The following THSD7B variants were observed in gnomAD, a reference collection of about 807,000 sequenced individuals.
THSD7B encodes thrombospondin type 1 domain containing 7B, also known as thrombospondin type-1 domain-containing protein 7B.
THSD7B carries 138 observed loss-of-function variants against 213.6 expected under a neutral mutation model. The ratio of observed to expected loss-of-function variants is 0.65; its 90% CI spans 0.56 to 0.74. The LOEUF (loss-of-function observed/expected upper bound fraction) is 0.74, where lower values mean the gene tolerates loss of function less well. Ranked by LOEUF, THSD7B falls within the 30% of genes least tolerant of loss-of-function variation. The pLI, the probability that THSD7B is intolerant of heterozygous loss-of-function variation, is 0.00. For synonymous variants in THSD7B, 742 were observed against 687.0 expected, an observed-to-expected ratio of 1.08 and a Z score of -1.25; for missense variants, 1,931 against 1,991.5, an observed-to-expected ratio of 0.97 and a Z score of 0.58.
At chr2:137,616,376 T>C in intron 18 of THSD7B, 60 bp downstream of exon 18, 1 of 1,495,842 alleles carries the variant, frequency 6.7e-7, no homozygotes, top group Non-Finnish European at 9.2e-7. Flanking sequence ...GAGAGAATTT[T>C]TGCGTGGGTT....
At chr2:137,184,420 A>G (rs1240582275) in intron 7 of THSD7B, among the ~76,000 whole-genome samples, 1 of 152,128 alleles carries the variant, frequency 6.6e-6, no homozygotes, top group Admixed American at 6.6e-5. Context: ...ACAGCAGAGG[A>G]GATTGAAAAT....
At chr2:137,085,108 C>A (rs1050321717) in intron 3 of THSD7B, among the ~76,000 whole-genome samples, 5 of 152,152 alleles carry the variant, frequency 3.3e-5, no homozygotes, top group African/African-American at 9.7e-5. Flanking sequence ...ACACATGAAG[C>A]AAGAGATAGG....
At chr2:137,247,607 T>C (rs148557800) in intron 10 of THSD7B, among the ~76,000 whole-genome samples, 1 of 152,300 alleles carries the variant, frequency 6.6e-6, no homozygotes, top group Admixed American at 6.5e-5. Flanking sequence ...AGGAACTCCT[T>C]TAACTTTCAT....
At chr2:137,242,402 G>C in intron 9 of THSD7B, 55 bp from the exon 10 acceptor site, 1 of 1,386,454 alleles carries the variant, frequency 7.2e-7, no homozygotes, top group Non-Finnish European at 1.0e-6. Context: ...ATAGTTCTGC[G>C]TTCAACGGCT....
At chr2:136,863,911 C>A (rs979769529) in intron 1 of THSD7B, among the ~76,000 whole-genome samples, 1 of 152,052 alleles carries the variant, frequency 6.6e-6, no homozygotes, top group Non-Finnish European at 1.5e-5. Flanking sequence ...TTTACAGGAC[C>A]GTGAAACCCA....
intron 12 of THSD7B, among the ~76,000 whole-genome samples, chr2:137,330,273 C>T (rs968713701): frequency 1.3e-5 from 2 of 152,164 alleles, no homozygotes; most frequent in Non-Finnish European, 2.9e-5. Context: ...CCCACTGGGG[C>T]ACTGCCAAGT....
At chr2:137,474,932 T>C (rs902155383) in intron 15 of THSD7B, among the ~76,000 whole-genome samples, 3 of 152,228 alleles carry the variant, frequency 2.0e-5, no homozygotes, top group African/African-American at 7.2e-5. Flanking sequence ...TTATATCCCA[T>C]TTCTATTCAC....
At chr2:136,975,367 G>T (rs1434381482) in intron 2 of THSD7B, among the ~76,000 whole-genome samples, 1 of 152,098 alleles carries the variant, frequency 6.6e-6, no homozygotes, top group Non-Finnish European at 1.5e-5. Flanking sequence ...TTTGTATAAG[G>T]TGTAAGGAAG....
chr2:137,423,931 A>G (rs1686982918), intron 14 of THSD7B, among the ~76,000 whole-genome samples: 1 of 150,506 alleles, frequency 6.6e-6, no homozygotes. Flanking sequence ...AGTTACAGTT[A>G]TCAAGACACT....
At chr2:136,839,656 T>G (rs2104954332) in intron 1 of THSD7B, among the ~76,000 whole-genome samples, 1 of 152,312 alleles carries the variant, frequency 6.6e-6, no homozygotes, top group Admixed American at 6.5e-5. Flanking sequence ...GGGAAAAAAC[T>G]TTCAAAAAAA....
chr2:137,592,483 G>A, intron 17 of THSD7B, among the ~76,000 whole-genome samples: 1 of 151,060 alleles, frequency 6.6e-6, no homozygotes, highest in East Asian at 1.9e-4. Flanking sequence ...CAAGCAAGTT[G>A]GAATGATACC....
At chr2:137,364,784 A>G (rs946287136) in intron 12 of THSD7B, among the ~76,000 whole-genome samples, 1 of 152,230 alleles carries the variant, frequency 6.6e-6, no homozygotes, top group Admixed American at 6.5e-5. Flanking sequence ...ATGGATAGGA[A>G]GAATCAATAT....
chr2:136,889,319 T>C (rs1470616571), intron 2 of THSD7B, among the ~76,000 whole-genome samples: 1 of 152,204 alleles, frequency 6.6e-6, no homozygotes, highest in East Asian at 1.9e-4. Flanking sequence ...TTGCTGTTTA[T>C]TCTGATATTC....
At chr2:137,135,921 T>A (rs1679445655) in intron 5 of THSD7B, among the ~76,000 whole-genome samples, 1 of 152,132 alleles carries the variant, frequency 6.6e-6, no homozygotes, top group Non-Finnish European at 1.5e-5. Context: ...TATTGTGAAC[T>A]ACTTGATAAA....
At chr2:136,785,955 G>A (rs976697421) in intron 1 of THSD7B, among the ~76,000 whole-genome samples, 1 of 152,148 alleles carries the variant, frequency 6.6e-6, no homozygotes, top group Non-Finnish European at 1.5e-5. Flanking sequence ...TTCCCTCCAC[G>A]TCTCCCTTCC....
intron 7 of THSD7B, among the ~76,000 whole-genome samples, chr2:137,189,156 C>T (rs1680609853): frequency 6.6e-6 from 1 of 152,120 alleles, no homozygotes; most frequent in Non-Finnish European, 1.5e-5. Context: ...CACTCAGTTC[C>T]CACTTCCCTG....
chr2:137,519,724 G>A (rs1238682937), intron 15 of THSD7B, among the ~76,000 whole-genome samples: 1 of 152,204 alleles, frequency 6.6e-6, no homozygotes, highest in African/African-American at 2.4e-5. Flanking sequence ...AACATATTAA[G>A]AGGAAACAAA....
chr2:137,616,276 C>A lies in THSD7B; in HGVS notation c.3525C>A (p.Leu1175=). The change falls in exon 18 of 28, where the codon CTC becomes CTA. Residue 1175 remains leucine, a synonymous_variant. Transcript: ENST00000409968. ...AAGACTCACAGGTGCAGCCTTGCCT[C>A]CTGAATGAAAATTGCTTCCAGTTCC... The part of the protein sequence containing the change: ...CAEDSQVQPC[L]LNENCFQFQY... 6.2e-7 allele frequency: 1 copy of A among 1,613,698 alleles called. No homozygotes were observed. The highest frequency in any genetic ancestry group is 8.5e-7 in the Non-Finnish European group (1 of 1,179,718).
At position 137,125,685 on chromosome 2, in the gene THSD7B, G is replaced by A. The variant is rs547719895; in HGVS notation, c.1369+10392G>A. The stretch of plus-strand genomic sequence containing the variant: ...CTTAATGGCATCTAGAATGGTGAAC[G>A]CATTTTCAATTTACTTTTCATTTAT... On this transcript the variant is annotated intron_variant, in intron 5 of 27. Transcript: ENST00000409968. Among the ~76,000 whole-genome samples, 66 of 152,146 alleles carry A rather than the reference G, an allele frequency of 4.3e-4. 2 individuals are homozygous for A. The South Asian group carries it at 0.012, about 28-fold the overall frequency.
Sources: gnomAD v4.1 joint callset for allele counts (sites outside exome capture counted in the v4.1 genomes callset) on GRCh38, gnomAD v4.1.1 for gene constraint, MANE v1.5 for transcripts, NCBI Gene and HGNC (gene_info 2026-07-23, HGNC 2026-07-21) for gene names.